Variants in WAPL observed in about 807,000 individuals in gnomAD.
WAPL encodes the protein wings apart-like protein homolog.
Under a neutral mutation model 121.0 loss-of-function variants are expected in WAPL, and 5 were observed. That is an observed-to-expected ratio of 0.04 (90% CI 0.02 to 0.09). WAPL has a LOEUF of 0.09. Ranked by LOEUF, WAPL falls within the 10% of genes least tolerant of loss-of-function variation. WAPL has a pLI of 1.00. For missense variants in WAPL, 999 were observed against 1,410.8 expected (o/e 0.71, Z 4.68); for synonymous variants, 480 against 481.5 (o/e 1.00, Z 0.04).
At chr10:86,506,703 TCA>T (rs2132226919) in intron 2 of WAPL, among the ~76,000 whole-genome samples, 1 of 152,192 alleles carries the variant, frequency 6.6e-6, no homozygotes, top group South Asian at 2.1e-4. Flanking sequence ...GGTAGGAGGA[TCA>T]CTTAAGCCCA....
Position 86,467,307 on chromosome 10 carries a change from T to C in WAPL, c.2342A>G (p.Asn781Ser). The C allele has an allele frequency of 1.9e-6, 3 of 1,614,044 alleles. No homozygotes were observed. Among genetic ancestry groups the C allele is most frequent in the Non-Finnish European group, 2.5e-6 (3 of 1,179,982 alleles). Reference sequence around the variant, plus strand: ...TATATTTTCTAGATCAAGATGCTTGTTGTGTACAGTTTCACAGAGCCTTCG... The same window carrying C: ...TATATTTTCTAGATCAAGATGCTTGCTGTGTACAGTTTCACAGAGCCTTCG... ...KIRRLCETVH[N>S]KHLDLENITT... Residue 781 changes from asparagine to serine, a missense_variant, in exon 9 of 19, where the codon AAC becomes AGC. By Grantham distance (46) the Asn-to-Ser change is conservative. Coordinates refer to ENST00000298767, the MANE Select transcript of WAPL (RefSeq NM_015045.5).
intron 3 of WAPL, among the ~76,000 whole-genome samples, chr10:86,499,509 C>T (rs1376673523): frequency 6.6e-6 from 1 of 152,052 alleles, no homozygotes; most frequent in South Asian, 2.1e-4. Context: ...AAATCAAGCA[C>T]AGTAAGAGAT....
Position 86,460,327 on chromosome 10 carries a change from G to A in WAPL, c.2580+72C>T, listed in dbSNP as rs529336459. ...CCTCCAGGGGTATATAAAATATTTGGCAGTCTCTCTCTTACACACACAATC... is the reference window on the plus strand; with the variant it reads ...CCTCCAGGGGTATATAAAATATTTGACAGTCTCTCTCTTACACACACAATC... On this transcript the variant is annotated intron_variant, in intron 11 of 18. Transcript: ENST00000298767. 47 of 1,194,434 alleles carry A rather than the reference G, an allele frequency of 3.9e-5. No individual in the cohort carries two copies. The African/African-American group carries it at 4.8e-4, about 12-fold the overall frequency. 74.0% of individuals were successfully genotyped at this position (1,194,434 alleles called of 1,614,324 possible). A position where few individuals can be genotyped will look rare whatever the true frequency, so the allele number is the denominator to read the frequency against.
At position 86,472,453 on chromosome 10, in the gene WAPL, AC is replaced by A; in HGVS notation, c.1894-110del. ...GCATAAAATAGTTCATTAGATGGCA[AC>A]AAAAATATTTTTAGAACAAGGATGA... On this transcript the variant is annotated intron_variant, in intron 6 of 18. Transcript: ENST00000298767. This position sits in a 1 kb window ranked among gnomAD's most constrained non-coding sequence, Gnocchi z 4.2. The A allele has an allele frequency of 6.6e-7, 1 of 1,507,694 alleles. No homozygotes were observed. The highest frequency in any genetic ancestry group is 1.4e-5 in the African/African-American group (1 of 70,724). The allele number at this position is 1,507,694 out of a possible 1,614,324, so 93.4% of individuals were successfully genotyped here.
chr10:86,516,670 C>T (rs1042653657), intron 2 of WAPL, among the ~76,000 whole-genome samples: 2 of 152,098 alleles, frequency 1.3e-5, no homozygotes, highest in East Asian at 1.9e-4. Flanking sequence ...ACCTTTTTCA[C>T]TTATTATAAA....
chr10:86,441,096 A>C (rs1849459812), intron 17 of WAPL, among the ~76,000 whole-genome samples: 3 of 151,686 alleles, frequency 2.0e-5, no homozygotes. Context: ...ATAGGTCTCC[A>C]CTCTTTCTTG....
At chr10:86,507,406 T>G (rs1021915241) in intron 2 of WAPL, among the ~76,000 whole-genome samples, 1 of 151,754 alleles carries the variant, frequency 6.6e-6, no homozygotes, top group African/African-American at 2.4e-5. Flanking sequence ...CCCCTTCTTT[T>G]AAGGCTTGTG....
At chr10:86,490,405 C>T (rs1348182386) in intron 4 of WAPL, among the ~76,000 whole-genome samples, 5 of 152,050 alleles carry the variant, frequency 3.3e-5, no homozygotes, top group Non-Finnish European at 7.4e-5. Flanking sequence ...TTACTTTAGG[C>T]CAGATAGATT....
At chr10:86,494,330 T>C (rs975449243) in intron 4 of WAPL, among the ~76,000 whole-genome samples, 7 of 152,230 alleles carry the variant, frequency 4.6e-5, no homozygotes, top group Admixed American at 3.3e-4. Context: ...CTGTTTAAGT[T>C]GCAAGCCAAA....
intron 4 of WAPL, among the ~76,000 whole-genome samples, chr10:86,484,506 A>G (rs1394167647): frequency 6.6e-6 from 1 of 152,226 alleles, no homozygotes. Context: ...ACAAAAAGCA[A>G]AAAGAAAAAA....
At chr10:86,477,871 G>A (rs1841694867) in intron 4 of WAPL, among the ~76,000 whole-genome samples, 2 of 151,912 alleles carry the variant, frequency 1.3e-5, no homozygotes, top group Admixed American at 1.3e-4. Context: ...CTTGAGGTCA[G>A]GAGTTTGAAA....
At chr10:86,441,370 C>T (rs1184772002) in intron 17 of WAPL, among the ~76,000 whole-genome samples, 2 of 152,032 alleles carry the variant, frequency 1.3e-5, no homozygotes, top group Non-Finnish European at 2.9e-5. Flanking sequence ...TGTATTTCTC[C>T]TAAGTGAATC....
At chr10:86,515,864 C>CTTTT (rs377683656) in intron 2 of WAPL, among the ~76,000 whole-genome samples, 4,488 of 101,134 alleles carry the variant, frequency 0.044, 506 homozygotes, top group East Asian at 0.33. Context: ...CTGTCTATGC[C>CTTTT]TTTTTTTTTT....
At chr10:86,440,931 A>G (rs1259455837) in intron 17 of WAPL, among the ~76,000 whole-genome samples, 1 of 150,644 alleles carries the variant, frequency 6.6e-6, no homozygotes, top group Non-Finnish European at 1.5e-5. Context: ...TAAAGTAAGG[A>G]AACGTGGGGT....
chr10:86,483,564 C>CA (rs1004798395), intron 4 of WAPL, among the ~76,000 whole-genome samples: 7 of 151,200 alleles, frequency 4.6e-5, no homozygotes, highest in Admixed American at 6.6e-5. Context: ...ACTTGTAAAA[C>CA]AAAAAAAAGT....
intron 7 of WAPL, among the ~76,000 whole-genome samples, chr10:86,471,618 T>C (rs1182569725): frequency 6.6e-6 from 1 of 152,150 alleles, no homozygotes; most frequent in East Asian, 1.9e-4. Flanking sequence ...TTAAAAGATT[T>C]TTTTTTAATT....
chr10:86,440,454 A>AT (rs11411843), intron 17 of WAPL, among the ~76,000 whole-genome samples: 70,966 of 149,264 alleles, frequency 0.48, 16,899 homozygotes, highest in Non-Finnish European at 0.51. Flanking sequence ...CGCCCGGCTA[A>AT]TTTTTTTTTT....
intron 8 of WAPL, among the ~76,000 whole-genome samples, chr10:86,468,726 G>T (rs954379752): frequency 6.6e-6 from 1 of 151,976 alleles, no homozygotes; most frequent in Non-Finnish European, 1.5e-5. Flanking sequence ...CACTTTGGGA[G>T]GCCAAGGTGG....
intron 2 of WAPL, among the ~76,000 whole-genome samples, chr10:86,512,415 A>G (rs977319905): frequency 5.9e-5 from 9 of 152,240 alleles, no homozygotes; most frequent in Admixed American, 4.6e-4. Context: ...AAGCCGAAAT[A>G]TAAGTCTTTG....
Sources: allele counts gnomAD v4.1 joint callset (sites outside exome capture counted in the v4.1 genomes callset), GRCh38; gene constraint gnomAD v4.1.1; non-coding constraint Gnocchi (gnomAD v3.1); transcripts MANE v1.5; gene names NCBI Gene and HGNC (gene_info 2026-07-23, HGNC 2026-07-21).